Variants in ZNF34 observed in about 807,000 individuals in gnomAD.
ZNF34 encodes the protein zinc finger protein 34 (KOX 32).
A neutral mutation model predicts 14.4 loss-of-function variants in ZNF34; 8 were observed. The ratio of observed to expected loss-of-function variants is 0.55; its 90% CI spans 0.33 to 1.00. The LOEUF (loss-of-function observed/expected upper bound fraction) is 1.00. Among genes scored for constraint, ZNF34 ranks in the 50% least tolerant of loss-of-function variants. ZNF34 has a pLI of 0.03. For synonymous variants in ZNF34, 235 were observed against 247.9 expected (o/e 0.95, Z 0.49); for missense variants, 538 against 674.2 (o/e 0.80, Z 2.24).
In ZNF34 at chr8:144,778,496, G is replaced by A. The variant is rs559426382; in HGVS notation, c.-25C>T. 40 of 1,589,240 alleles carry A rather than the reference G, an allele frequency of 2.5e-5. No individual in the cohort carries two copies. In the African/African-American group the frequency reaches 4.0e-4, roughly 16 times the overall value. On this transcript the variant is annotated 5_prime_UTR_variant, in exon 3 of 6. Transcript: ENST00000429371. ...TTGCCTGAGGGTTGGGCTTTCTGAG[G>A]GCAGTGAGCAGGAGCTGGTCACTGA...
chr8:144,773,827 A>G lies in ZNF34; in HGVS notation c.1059T>C (p.Asp353=), dbSNP rs374286674. The change falls in exon 6 of 6, where the codon GAT becomes GAC. Residue 353 remains aspartate (D), a synonymous_variant. Transcript: ENST00000429371. The surrounding 1 kb of genome is among the most constrained non-coding windows in gnomAD (Gnocchi z 5.4). ...KCNDCGKAFS[D]GSILIRHRRT... ...GACGATGTCGGATAAGGATTGAGCC[A>G]TCACTGAAGGCTTTCCCGCAGTCAT... 40 of 1,613,794 alleles carry G rather than the reference A, an allele frequency of 2.5e-5. No homozygotes were observed. Among genetic ancestry groups the G allele is most frequent in the Non-Finnish European group, 3.2e-5 (38 of 1,179,974 alleles).
At chr8:144,781,330 G>A (rs1260969512) in intron 1 of ZNF34, among the ~76,000 whole-genome samples, 5 of 148,962 alleles carry the variant, frequency 3.4e-5, no homozygotes, top group Non-Finnish European at 5.9e-5. Flanking sequence ...GTACAGTGGC[G>A]CGATCTTGGC....
At chr8:144,775,726 G>C (rs1464487254) in intron 5 of ZNF34, among the ~76,000 whole-genome samples, 1 of 152,222 alleles carries the variant, frequency 6.6e-6, no homozygotes, top group African/African-American at 2.4e-5. Flanking sequence ...CTGGGGAGCG[G>C]AAACAGTCTG....
chr8:144,781,134 CAAATAAATAAATAAAT>C (rs143853733), intron 1 of ZNF34, among the ~76,000 whole-genome samples: 2 of 140,404 alleles, frequency 1.4e-5, no homozygotes, highest in East Asian at 2.2e-4. Flanking sequence ...GACTCCATCT[CAAATAAATAAATAAAT>C]AAATAAATAA....
At position 144,773,954 on chromosome 8, in the gene ZNF34, T is replaced by G; in HGVS notation, c.932A>C (p.Glu311Ala). Residue 311 changes from glutamate (E) to alanine (A), a missense_variant, in exon 6 of 6, where the codon GAG becomes GCG. Glu to Ala is a moderately radical substitution (Grantham distance 107). Around this residue, in one of 3 missense-constraint regions of ZNF34, gnomAD observed 431 missense variants for 525.7 expected, o/e 0.82. Transcript: ENST00000429371. The surrounding 1 kb of genome is among the most constrained non-coding windows in gnomAD (Gnocchi z 5.4). ...LMKHQRIHTG[E>A]KPYKCGECGK... Reference sequence around the variant, plus strand: ...ACACTCCCCACACTTGTAGGGTTTCTCCCCAGTGTGAATCCTCTGGTGCTT... The same window carrying G: ...ACACTCCCCACACTTGTAGGGTTTCGCCCCAGTGTGAATCCTCTGGTGCTT... 2 of 1,614,170 alleles carry G rather than the reference T, an allele frequency of 1.2e-6. No homozygotes were observed. The highest frequency in any genetic ancestry group is 1.7e-6 in the Non-Finnish European group (2 of 1,180,040).
In ZNF34 at chr8:144,782,820, G is replaced by A. The variant is rs1170493445; in HGVS notation, c.-107-2540C>T. On this transcript the variant is annotated intron_variant, in intron 1 of 5. Transcript: ENST00000429371. ...CCACTGCACTCCAGCTGGGGTGACA[G>A]AGACAGAACCAAAGCCTATCTCAAA... 2.4e-4 allele frequency among the ~76,000 whole-genome samples: 19 copies of A among 79,092 alleles called. No individual in the cohort carries two copies. The East Asian group carries it at 8.9e-3, about 37-fold the overall frequency. 51.9% of individuals were successfully genotyped at this position (79,092 alleles called of 152,430 possible). A position where few individuals can be genotyped will look rare whatever the true frequency, so the allele number is the denominator to read the frequency against.
At chr8:144,787,086 A>G (rs1826292981) in intron 1 of ZNF34, among the ~76,000 whole-genome samples, 193 bp downstream of exon 1, 1 of 151,384 alleles carries the variant, frequency 6.6e-6, no homozygotes, top group Non-Finnish European at 1.5e-5. Context: ...GGGCTGGCAG[A>G]GAGCGGCGAG....
rs759558895 is a variant in ZNF34, at chr8:144,774,145, C to T, written c.741G>A (p.Lys247=). 1 of 1,614,072 alleles carries T rather than the reference C, an allele frequency of 6.2e-7. No individual in the cohort carries two copies. The highest frequency in any genetic ancestry group is 8.5e-7 in the Non-Finnish European group (1 of 1,179,942). Reference sequence around the variant, plus strand: ...TCTCTTCAGTGTGAAGCCGCTGATGCTTGACAAGGTTGGCACTGTACCTGA... The same window carrying T: ...TCTCTTCAGTGTGAAGCCGCTGATGTTTGACAAGGTTGGCACTGTACCTGA... ...KTFRYSANLV[K]HQRLHTEEKP... is the part of the protein sequence containing the mutation. Residue 247 remains lysine (K), a synonymous_variant, in exon 6 of 6, where the codon AAG becomes AAA. Coordinates refer to ENST00000429371, the MANE Select transcript of ZNF34 (RefSeq NM_001286769.2).
intron 5 of ZNF34, among the ~76,000 whole-genome samples, chr8:144,775,197 C>G (rs1272607974): frequency 6.6e-6 from 1 of 152,242 alleles, no homozygotes. Flanking sequence ...CACCCCTTGC[C>G]TGGCTCTGCA....
chr8:144,780,368 T>TCC, intron 1 of ZNF34, 88 bp from the exon 2 acceptor site: 1 of 976,160 alleles, frequency 1.0e-6, no homozygotes, highest in Non-Finnish European at 1.5e-6. Flanking sequence ...CTATATATCT[T>TCC]TTCTGTATCT....
chr8:144,773,165 T>C lies in ZNF34; in HGVS notation c.*101A>G, dbSNP rs541647682. 1.9e-3 allele frequency: 2,483 copies of C among 1,290,162 alleles called. 3 individuals are homozygous for C. The highest frequency in any genetic ancestry group is 2.3e-3 in the Non-Finnish European group (2,209 of 965,524). The allele number at this position is 1,290,162 out of a possible 1,614,324, so 79.9% of individuals were successfully genotyped here. A position where few individuals can be genotyped will look rare whatever the true frequency, so the allele number is the denominator to read the frequency against. ...TAATGAGAAACGTCCTTTCACTCTG[T>C]GAAAACATCGTGTGGATAATACATA... On this transcript the variant is annotated 3_prime_UTR_variant, in exon 6 of 6. Coordinates refer to ENST00000429371, the MANE Select transcript of ZNF34 (RefSeq NM_001286769.2). This position sits in a 1 kb window ranked among gnomAD's most constrained non-coding sequence, Gnocchi z 5.4.
In ZNF34 at chr8:144,773,480, A is replaced by G; in HGVS notation, c.1406T>C (p.Leu469Pro). ...CGKAFHNSSRLIHHQRLHHGE... is the reference protein window; with the variant it reads ...CGKAFHNSSRPIHHQRLHHGE... ...GTGGTGCAGCCTCTGGTGGTGGATG[A>G]GTCTGGAACTGTTGTGGAAGGCCTT... The change falls in exon 6 of 6, where the codon CTC becomes CCC. Residue 469 changes from leucine to proline, a missense_variant. Leu to Pro is a moderately conservative substitution (Grantham distance 98). Transcript: ENST00000429371. The surrounding 1 kb of genome is among the most constrained non-coding windows in gnomAD (Gnocchi z 5.4). The G allele has an allele frequency of 1.2e-6, 2 of 1,613,904 alleles. No homozygotes were observed. Among genetic ancestry groups the G allele is most frequent in the Non-Finnish European group, 1.7e-6 (2 of 1,179,998 alleles).
At chr8:144,778,686 C>T (rs535298639) in intron 2 of ZNF34, among the ~76,000 whole-genome samples, 161 bp from the exon 3 acceptor site, 90 of 150,316 alleles carry the variant, frequency 6.0e-4, no homozygotes, top group Non-Finnish European at 1.0e-3. Context: ...ATAGACTCCA[C>T]TCTTTGCCTG....
At chr8:144,784,260 T>C (rs1258483375) in intron 1 of ZNF34, among the ~76,000 whole-genome samples, 4 of 147,034 alleles carry the variant, frequency 2.7e-5, no homozygotes. Context: ...GCTATGGTAA[T>C]GGAAAGTGAA....
At position 144,773,523 on chromosome 8, in the gene ZNF34, T is replaced by C. The variant is rs1480296402; in HGVS notation, c.1363A>G (p.Lys455Glu). The C allele has an allele frequency of 6.2e-7, 1 of 1,614,116 alleles. No individual in the cohort carries two copies. The change falls in exon 6 of 6, where the codon AAG (lysine) becomes GAG (glutamate). Residue 455 changes from lysine (K) to glutamate (E), a missense_variant. Coordinates refer to ENST00000429371, the MANE Select transcript of ZNF34 (RefSeq NM_001286769.2). The surrounding 1 kb of genome is among the most constrained non-coding windows in gnomAD (Gnocchi z 5.4). ...AAGGCCTTCCCACACTCGCTGCACT[T>C]GTAGGGCTTCTCTCCTGTGTGGATT... ...QRIHTGEKPY[K>E]CSECGKAFHN...
At chr8:144,778,793 C>T (rs1413998562) in intron 2 of ZNF34, among the ~76,000 whole-genome samples, 1 of 151,794 alleles carries the variant, frequency 6.6e-6, no homozygotes, top group African/African-American at 2.4e-5. Context: ...AGGACAGTGG[C>T]GTGATCTCGG....
In ZNF34 at chr8:144,773,275, G is replaced by A; in HGVS notation, c.1611C>T (p.Phe537=). Residue 537 remains phenylalanine, a synonymous_variant, in exon 6 of 6, where the codon TTC becomes TTT. Transcript: ENST00000429371. This position sits in a 1 kb window ranked among gnomAD's most constrained non-coding sequence, Gnocchi z 5.4. ...GGACACCGCGCCACTGTTACATGGA[G>A]AAGTCCTCCCGGAGGTGAATCCGCT... ...QHQRIHLRED[F]SM is the part of the protein sequence containing the mutation. The A allele has an allele frequency of 1.2e-6, 2 of 1,605,604 alleles. No homozygotes were observed. Among genetic ancestry groups the A allele is most frequent in the Admixed American group, 3.3e-5 (2 of 59,814 alleles).
Position 144,773,585 on chromosome 8 carries a change from A to G in ZNF34, c.1301T>C (p.Val434Ala). 6.2e-7 allele frequency: 1 copy of G among 1,612,302 alleles called. No homozygotes were observed. Among genetic ancestry groups the G allele is most frequent in the Non-Finnish European group, 8.5e-7 (1 of 1,179,538 alleles). ...GATGAGGTGTGTGCTTTGGCTGAAA[A>G]CTTTGCCACAGTCATTGCATTCATA... Reference protein sequence around the residue: ...KPYECNDCGKVFSQSTHLIQH... With the variant: ...KPYECNDCGKAFSQSTHLIQH... Residue 434 changes from valine (V) to alanine (A), a missense_variant, in exon 6 of 6, where the codon GTT becomes GCT. Coordinates refer to ENST00000429371, the MANE Select transcript of ZNF34 (RefSeq NM_001286769.2). This position sits in a 1 kb window ranked among gnomAD's most constrained non-coding sequence, Gnocchi z 5.4.
rs552702035 is a variant in ZNF34, at chr8:144,779,642, G to T, written c.-55+586C>A. 1.3e-5 allele frequency among the ~76,000 whole-genome samples: 2 copies of T among 152,100 alleles called. No homozygotes were observed. Among genetic ancestry groups the T allele is most frequent in the South Asian group, 4.2e-4 (2 of 4,812 alleles). The stretch of plus-strand genomic sequence containing the variant: ...TATTTTTTTGTACAGATGGGGTTTT[G>T]CCCAGGCTGGTCTTGAACTCTTGAG... On this transcript the variant is annotated intron_variant, in intron 2 of 5. Transcript: ENST00000429371. The surrounding 1 kb of genome is among the most constrained non-coding windows in gnomAD (Gnocchi z 4.1).
Sources: gnomAD v4.1 joint callset for allele counts (sites outside exome capture counted in the v4.1 genomes callset) on GRCh38, gnomAD v4.1.1 for gene constraint, gnomAD v4.1.1 regional missense constraint, Gnocchi (gnomAD v3.1) non-coding constraint, MANE v1.5 for transcripts, NCBI Gene and HGNC (gene_info 2026-07-23, HGNC 2026-07-21) for gene names.